The following CA12 variants were observed in gnomAD, a reference collection of about 807,000 sequenced individuals.
CA12 encodes carbonate dehydratase XII.
CA12 carries 36 observed loss-of-function variants against 46.8 expected under a neutral mutation model. The observed-to-expected ratio is 0.77, with a 90% CI of 0.59 to 1.02. The LOEUF (loss-of-function observed/expected upper bound fraction) is 1.02, where lower values mean the gene tolerates loss of function less well. CA12 is among the 50% of genes least tolerant of loss of function. The pLI, the probability that CA12 is intolerant of heterozygous loss-of-function variation, is 0.00. For synonymous variants in CA12, 202 were observed against 187.0 expected (o/e 1.08, Z -0.65); for missense variants, 436 against 451.4 (o/e 0.97, Z 0.31).
In CA12 at chr15:63,346,726, A is replaced by G. The variant is rs1345718749; in HGVS notation, c.107-17T>C. The G allele has an allele frequency of 3.1e-6, 5 of 1,613,706 alleles. No individual in the cohort carries two copies. The highest frequency in any genetic ancestry group is 3.4e-6 in the Non-Finnish European group (4 of 1,179,696). On this transcript the variant is annotated splice_polypyrimidine_tract_variant and intron_variant, in intron 2 of 10. Transcript: ENST00000178638. ...CATCAGGACCTGGACACAGAGATCC[A>G]TGCTCAAGATTTAGAGTTTCTCACA... is the stretch of plus-strand genomic sequence containing the variant.
chr15:63,326,138 G>A lies in CA12; in HGVS notation c.*147C>T, dbSNP rs2038862761. 2 of 699,244 alleles carry A rather than the reference G, an allele frequency of 2.9e-6. No homozygotes were observed. The highest frequency in any genetic ancestry group is 5.2e-6 in the Non-Finnish European group (2 of 385,244). The allele number at this position is 699,244 out of a possible 1,614,324, so 43.3% of individuals were successfully genotyped here. The stretch of plus-strand genomic sequence containing the variant: ...GTGGCCATGGTCCCAAGGCAAGGAG[G>A]CACCCAGCAGAGGATCCCTGAGGCC... On this transcript the variant is annotated 3_prime_UTR_variant, in exon 11 of 11. Coordinates refer to ENST00000178638, the MANE Select transcript of CA12 (RefSeq NM_001218.5).
In CA12 at chr15:63,341,910, G is replaced by C. The variant is rs1310980993; in HGVS notation, c.525+92C>G. ...ACACGGAGTCGATACAGGAACAGCT[G>C]ATTATCAACAGGTATGCATGGAACA... On this transcript the variant is annotated intron_variant, in intron 5 of 10. Transcript: ENST00000178638. The surrounding 1 kb of genome is among the most constrained non-coding windows in gnomAD (Gnocchi z 5.2). 2 of 868,172 alleles carry C rather than the reference G, an allele frequency of 2.3e-6. No individual in the cohort carries two copies. The highest frequency in any genetic ancestry group is 3.8e-5 in the Admixed American group (2 of 52,314). The allele number at this position is 868,172 out of a possible 1,614,324, so 53.8% of individuals were successfully genotyped here. A position where few individuals can be genotyped will look rare whatever the true frequency, so the allele number is the denominator to read the frequency against.
rs549661616 is a variant in CA12 at position 63,353,268 on chromosome 15, G to A, written c.107-6559C>T. ...TGCAGGCAGGCTTCCCAGAGGAGGC[G>A]CCGTTAAAGCTGAGATTTAAAGGAC... On this transcript the variant is annotated intron_variant, in intron 2 of 10. Coordinates refer to ENST00000178638, the MANE Select transcript of CA12 (RefSeq NM_001218.5). 3.9e-5 allele frequency among the ~76,000 whole-genome samples: 6 copies of A among 152,206 alleles called. No homozygotes were observed. In the South Asian group the frequency reaches 6.2e-4, roughly 16 times the overall value.
rs1467956125 is a variant in CA12, at chr15:63,326,015, A to G, written c.*270T>C. 4.1e-5 allele frequency: 20 copies of G among 484,210 alleles called. No homozygotes were observed. The highest frequency in any genetic ancestry group is 5.3e-5 in the Non-Finnish European group (14 of 263,424). The allele number at this position is 484,210 out of a possible 1,614,324, so 30.0% of individuals were successfully genotyped here. A position where few individuals can be genotyped will look rare whatever the true frequency, so the allele number is the denominator to read the frequency against. ...GGCTTGGTTTGTGATTCCAGAATTC[A>G]GACCACTTCACAATCTCACACAGTT... On this transcript the variant is annotated 3_prime_UTR_variant, in exon 11 of 11. Coordinates refer to ENST00000178638, the MANE Select transcript of CA12 (RefSeq NM_001218.5).
chr15:63,357,331 C>T (rs978941010), intron 2 of CA12, among the ~76,000 whole-genome samples: 1 of 152,174 alleles, frequency 6.6e-6, no homozygotes, highest in Admixed American at 6.5e-5. Flanking sequence ...CTAACACATT[C>T]CCAGGTGATG....
intron 2 of CA12, among the ~76,000 whole-genome samples, chr15:63,347,707 G>A (rs1443310780): frequency 2.0e-5 from 3 of 152,146 alleles, no homozygotes; most frequent in Non-Finnish European, 4.4e-5. Context: ...TATCTCCACG[G>A]TAATTAAACA....
chr15:63,372,094 C>G lies in CA12; in HGVS notation c.106+3564G>C, dbSNP rs996425687. 1.3e-5 allele frequency among the ~76,000 whole-genome samples: 2 copies of G among 152,212 alleles called. No individual in the cohort carries two copies. Among genetic ancestry groups the G allele is most frequent in the African/African-American group, 4.8e-5 (2 of 41,458 alleles). On this transcript the variant is annotated intron_variant, in intron 2 of 10. Coordinates refer to ENST00000178638, the MANE Select transcript of CA12 (RefSeq NM_001218.5). The surrounding 1 kb of genome is among the most constrained non-coding windows in gnomAD (Gnocchi z 4.5). ...GCCCACAACCCTTCCTGCCTCCTTCCGGTCATCTTCATCCCCCACAGGGCA... is the reference window on the plus strand; with the variant it reads ...GCCCACAACCCTTCCTGCCTCCTTCGGGTCATCTTCATCCCCCACAGGGCA...
At position 63,355,529 on chromosome 15, in the gene CA12, A is replaced by ATGC. The variant is rs2039283940; in HGVS notation, c.107-8823_107-8821dup. Among the ~76,000 whole-genome samples the ATGC allele has an allele frequency of 6.6e-6, 1 of 152,206 alleles. No homozygotes were observed. The highest frequency in any genetic ancestry group is 6.5e-5 in the Admixed American group (1 of 15,278). On this transcript the variant is annotated intron_variant, in intron 2 of 10. Transcript: ENST00000178638. The surrounding 1 kb of genome is among the most constrained non-coding windows in gnomAD (Gnocchi z 4.1). ...TGCCGTTGGACAAGGCTGCCAGGCG[A>ATGC]TGCTGCTGCGGGCTGAGGCTGAGAA... is the stretch of plus-strand genomic sequence containing the variant.
chr15:63,352,475 A>G (rs1042205557), intron 2 of CA12, among the ~76,000 whole-genome samples: 1 of 152,216 alleles, frequency 6.6e-6, no homozygotes, highest in Non-Finnish European at 1.5e-5. Context: ...GGTAGCCATG[A>G]GAAGACAGTG....
chr15:63,362,017 T>A (rs187555333), intron 2 of CA12, among the ~76,000 whole-genome samples: 82 of 152,328 alleles, frequency 5.4e-4, no homozygotes, highest in Admixed American at 3.7e-3. Flanking sequence ...ATATCAGGGG[T>A]TGGCTAACTT....
chr15:63,377,838 G>T (rs2039596369), intron 1 of CA12, among the ~76,000 whole-genome samples: 1 of 152,204 alleles, frequency 6.6e-6, no homozygotes, highest in South Asian at 2.1e-4. Flanking sequence ...GAAGAGAAGA[G>T]TTCAGATCTC....
rs1336619631 is a variant in CA12, at chr15:63,331,442, C to G, written c.875-3312G>C. Among the ~76,000 whole-genome samples the G allele has an allele frequency of 6.6e-6, 1 of 152,146 alleles. No homozygotes were observed. Among genetic ancestry groups the G allele is most frequent in the Admixed American group, 6.5e-5 (1 of 15,274 alleles). On this transcript the variant is annotated intron_variant, in intron 8 of 10. Coordinates refer to ENST00000178638, the MANE Select transcript of CA12 (RefSeq NM_001218.5). This position sits in a 1 kb window ranked among gnomAD's most constrained non-coding sequence, Gnocchi z 5.3. ...TGAATAGGAAAGAAGGGAGGCGATT[C>G]CCACGGAAGAACAATGGGACAGACA... is the stretch of plus-strand genomic sequence containing the variant.
chr15:63,347,666 T>C (rs2039168725), intron 2 of CA12, among the ~76,000 whole-genome samples: 1 of 152,218 alleles, frequency 6.6e-6, no homozygotes, highest in South Asian at 2.1e-4. Flanking sequence ...GGAAAAAGTC[T>C]TTAAAGAATG....
intron 2 of CA12, among the ~76,000 whole-genome samples, chr15:63,360,732 C>A (rs1441105399): frequency 1.3e-5 from 2 of 152,226 alleles, no homozygotes; most frequent in Non-Finnish European, 2.9e-5. Context: ...CTCAGGCAAG[C>A]CTTTGCTGAC....
In CA12 at chr15:63,374,509, C is replaced by T. The variant is rs1055174451; in HGVS notation, c.106+1149G>A. ...TTAAGTAATTCCCAACTATGGACCACAGCCTACCCTTCTATTACCCACCCA... is the reference window on the plus strand; with the variant it reads ...TTAAGTAATTCCCAACTATGGACCATAGCCTACCCTTCTATTACCCACCCA... On this transcript the variant is annotated intron_variant, in intron 2 of 10. Coordinates refer to ENST00000178638, the MANE Select transcript of CA12 (RefSeq NM_001218.5). This position sits in a 1 kb window ranked among gnomAD's most constrained non-coding sequence, Gnocchi z 4.4. Among the ~76,000 whole-genome samples the T allele has an allele frequency of 1.3e-5, 2 of 152,238 alleles. No individual in the cohort carries two copies. Among genetic ancestry groups the T allele is most frequent in the Non-Finnish European group, 2.9e-5 (2 of 68,038 alleles).
intron 4 of CA12, among the ~76,000 whole-genome samples, chr15:63,343,425 G>A (rs941440443): frequency 3.3e-5 from 5 of 151,818 alleles, no homozygotes; most frequent in Non-Finnish European, 7.4e-5. Flanking sequence ...AGGATTACAG[G>A]CATGTGCCAC....
At chr15:63,376,547 C>CTCTTTCTTTCCTTTCTT (rs1210972685) in intron 1 of CA12, among the ~76,000 whole-genome samples, 4 of 68,612 alleles carry the variant, frequency 5.8e-5, no homozygotes, top group Non-Finnish European at 1.0e-4. Context: ...CCCTCCCACT[C>CTCTTTCTTTCCTTTCTT]TCTTTCTTTC....
intron 4 of CA12, among the ~76,000 whole-genome samples, chr15:63,342,358 G>T (rs183214048): frequency 2.0e-5 from 3 of 152,306 alleles, no homozygotes; most frequent in East Asian, 3.9e-4. Context: ...GGTTTGATCT[G>T]GAAGGGCAGG....
At chr15:63,368,623 C>A (rs895140073) in intron 2 of CA12, among the ~76,000 whole-genome samples, 8 of 152,208 alleles carry the variant, frequency 5.3e-5, no homozygotes, top group Non-Finnish European at 1.5e-5. Context: ...AAGCTCTGGC[C>A]AGCTCTTGCA....
Sources: allele counts gnomAD v4.1 joint callset (sites outside exome capture counted in the v4.1 genomes callset), GRCh38; gene constraint gnomAD v4.1.1; non-coding constraint Gnocchi (gnomAD v3.1); transcripts MANE v1.5; gene names NCBI Gene and HGNC (gene_info 2026-07-23, HGNC 2026-07-21).